The following LRRTM4 variants were observed in gnomAD, a reference collection of about 807,000 sequenced individuals.
LRRTM4 encodes leucine rich repeat transmembrane neuronal 4.
In LRRTM4, 25 loss-of-function variants were observed where a neutral mutation model predicts 47.6. That is an observed-to-expected ratio of 0.53 (90% CI 0.38 to 0.73). The LOEUF is 0.73. LRRTM4 is among the 30% of genes least tolerant of loss of function. The probability of loss-of-function intolerance (pLI) is 0.00; values close to 1 mark genes in which losing one functional copy is unlikely to be tolerated. For missense variants in LRRTM4, 638 were observed against 713.4 expected (o/e 0.89, Z 1.20); for synonymous variants, 311 against 269.5 (o/e 1.15, Z -1.51).
chr2:76,826,907 A>G (rs1671205887), intron 3 of LRRTM4, among the ~76,000 whole-genome samples: 1 of 151,894 alleles, frequency 6.6e-6, no homozygotes, highest in Non-Finnish European at 1.5e-5. Flanking sequence ...CATCACAATC[A>G]TGAGAGTGGC....
At chr2:76,910,200 C>T (rs1012849580) in intron 3 of LRRTM4, among the ~76,000 whole-genome samples, 1 of 152,054 alleles carries the variant, frequency 6.6e-6, no homozygotes. Context: ...TTTGTAGGGA[C>T]ATGGATGAAA....
chr2:77,077,652 A>G (rs1207976875), intron 3 of LRRTM4, among the ~76,000 whole-genome samples: 2 of 152,154 alleles, frequency 1.3e-5, no homozygotes, highest in Non-Finnish European at 2.9e-5. Context: ...ATCCACAAAG[A>G]CATCTAGCAT....
intron 3 of LRRTM4, among the ~76,000 whole-genome samples, chr2:76,831,579 G>A (rs1267904047): frequency 6.6e-6 from 1 of 152,066 alleles, no homozygotes; most frequent in Admixed American, 6.6e-5. Context: ...TGTATCCCTA[G>A]ATATCTGATT....
intron 3 of LRRTM4, among the ~76,000 whole-genome samples, chr2:76,844,093 G>A (rs1346939874): frequency 2.0e-5 from 3 of 151,158 alleles, no homozygotes; most frequent in Non-Finnish European, 4.4e-5. Context: ...AATAGAGATG[G>A]GGTTTCACCA....
chr2:76,876,491 T>TA (rs137875096), intron 3 of LRRTM4, among the ~76,000 whole-genome samples: 12,263 of 152,132 alleles, frequency 0.081, 1,190 homozygotes, highest in African/African-American at 0.23. Flanking sequence ...TCCCCTTGGA[T>TA]AAAAATGTAA....
intron 3 of LRRTM4, among the ~76,000 whole-genome samples, chr2:77,035,419 G>T (rs1354525405): frequency 6.6e-6 from 1 of 151,658 alleles, no homozygotes; most frequent in Non-Finnish European, 1.5e-5. Context: ...CACTACGAAG[G>T]TCCGTCCTCC....
At chr2:76,775,847 G>A (rs1454400053) in intron 3 of LRRTM4, among the ~76,000 whole-genome samples, 10 of 151,990 alleles carry the variant, frequency 6.6e-5, no homozygotes, top group South Asian at 6.2e-4. Context: ...ATGCTGGTGC[G>A]CTGCACCCAC....
At chr2:77,247,000 AC>A (rs916589241) in intron 3 of LRRTM4, among the ~76,000 whole-genome samples, 51 of 152,178 alleles carry the variant, frequency 3.4e-4, no homozygotes, top group African/African-American at 1.2e-3. Context: ...TTATATTTAC[AC>A]CCATAAATTA....
At chr2:77,297,933 A>C (rs542952077) in intron 3 of LRRTM4, among the ~76,000 whole-genome samples, 102 of 152,316 alleles carry the variant, frequency 6.7e-4, no homozygotes, top group African/African-American at 2.4e-3. Flanking sequence ...TTGTTTTTAA[A>C]TCTTGCATTG....
chr2:77,092,761 A>AC (rs1324193368), intron 3 of LRRTM4, among the ~76,000 whole-genome samples: 1,783 of 143,490 alleles, frequency 0.012, 49 homozygotes, highest in African/African-American at 0.048. Flanking sequence ...TAGCCTTCCC[A>AC]CCTCAATACA....
rs577005386 is a variant in LRRTM4, at chr2:76,837,753, G to A, written c.1552-88837C>T. On this transcript the variant is annotated intron_variant, in intron 3 of 3. Coordinates refer to ENST00000409884, the MANE Select transcript of LRRTM4 (RefSeq NM_001134745.3). ...CATATACACCATGGAATACTATGCAGCCACAAAAAATTATGAGTTCATGTC... is the reference window on the plus strand; with the variant it reads ...CATATACACCATGGAATACTATGCAACCACAAAAAATTATGAGTTCATGTC... Among the ~76,000 whole-genome samples the A allele has an allele frequency of 7.5e-4, 114 of 152,204 alleles. No homozygotes were observed. The East Asian group carries it at 0.021, about 28-fold the overall frequency.
At chr2:76,973,289 T>G (rs929477712) in intron 3 of LRRTM4, among the ~76,000 whole-genome samples, 1 of 152,032 alleles carries the variant, frequency 6.6e-6, no homozygotes, top group East Asian at 1.9e-4. Flanking sequence ...ATTTTCTATT[T>G]TATTATATTT....
At chr2:76,749,239 C>T (rs1672761615) in intron 3 of LRRTM4, among the ~76,000 whole-genome samples, 1 of 151,890 alleles carries the variant, frequency 6.6e-6, no homozygotes, top group South Asian at 2.1e-4. Context: ...TATGTAGATC[C>T]TACATTTGAA....
intron 3 of LRRTM4, among the ~76,000 whole-genome samples, chr2:77,395,695 T>A (rs1056156665): frequency 6.6e-6 from 1 of 152,016 alleles, no homozygotes; most frequent in African/African-American, 2.4e-5. Context: ...TAGACCTAAA[T>A]TGATTTTGCA....
chr2:76,953,390 A>T (rs1330775318), intron 3 of LRRTM4, among the ~76,000 whole-genome samples: 1 of 151,920 alleles, frequency 6.6e-6, no homozygotes, highest in Non-Finnish European at 1.5e-5. Flanking sequence ...AGTTGCTTTG[A>T]AACGGGCAAA....
chr2:77,253,741 A>T (rs1005437790), intron 3 of LRRTM4, among the ~76,000 whole-genome samples: 1 of 152,124 alleles, frequency 6.6e-6, no homozygotes, highest in Non-Finnish European at 1.5e-5. Context: ...AATAGAATAT[A>T]TAAAAAAGAA....
chr2:77,415,002 T>C (rs1281703954), intron 3 of LRRTM4, among the ~76,000 whole-genome samples: 2 of 152,192 alleles, frequency 1.3e-5, no homozygotes, highest in Non-Finnish European at 2.9e-5. Flanking sequence ...AATCTAATCA[T>C]TCCAAAATAG....
chr2:76,829,992 A>G (rs1671301859), intron 3 of LRRTM4, among the ~76,000 whole-genome samples: 1 of 152,044 alleles, frequency 6.6e-6, no homozygotes, highest in South Asian at 2.1e-4. Context: ...ATCAAAGACT[A>G]ATTGCCCATC....
At chr2:77,347,199 C>A (rs974761632) in intron 3 of LRRTM4, among the ~76,000 whole-genome samples, 1 of 152,188 alleles carries the variant, frequency 6.6e-6, no homozygotes, top group Non-Finnish European at 1.5e-5. Flanking sequence ...ACAGACTTCC[C>A]GTCACTACGG....
Sources: allele counts gnomAD v4.1 joint callset (sites outside exome capture counted in the v4.1 genomes callset), GRCh38; gene constraint gnomAD v4.1.1; transcripts MANE v1.5; gene names NCBI Gene and HGNC (gene_info 2026-07-23, HGNC 2026-07-21).